Variants in NELL1 observed in about 807,000 individuals in gnomAD.
NELL1 encodes neural EGFL like 1.
NELL1 carries 76 observed loss-of-function variants against 107.4 expected under a neutral mutation model. The observed-to-expected ratio is 0.71, with a 90% CI of 0.59 to 0.86. The LOEUF is 0.86. Ranked by LOEUF, NELL1 falls within the 40% of genes least tolerant of loss-of-function variation. The probability of loss-of-function intolerance (pLI) is 0.00; values close to 1 mark genes in which losing one functional copy is unlikely to be tolerated. For synonymous variants in NELL1, 353 were observed against 341.2 expected, an observed-to-expected ratio of 1.03 and a Z score of -0.38; for missense variants, 1,024 against 1,005.5, an observed-to-expected ratio of 1.02 and a Z score of -0.25.
At chr11:21,237,508 G>A (rs527818041) in intron 14 of NELL1, among the ~76,000 whole-genome samples, 1 of 151,956 alleles carries the variant, frequency 6.6e-6, no homozygotes, top group Non-Finnish European at 1.5e-5. Context: ...TCTCTTGTTA[G>A]AATGCCCACG....
chr11:21,070,940 T>C (rs531926427), intron 12 of NELL1, among the ~76,000 whole-genome samples: 2 of 152,288 alleles, frequency 1.3e-5, no homozygotes, highest in East Asian at 1.9e-4. Flanking sequence ...CTACTTATCA[T>C]GCTTACTTAA....
intron 15 of NELL1, among the ~76,000 whole-genome samples, chr11:21,505,037 T>C (rs1050950212): frequency 3.9e-5 from 6 of 152,222 alleles, no homozygotes; most frequent in Middle Eastern, 3.2e-3. Context: ...GAAATATTTG[T>C]TTTAAATCAT....
At chr11:20,996,759 T>C (rs542297260) in intron 12 of NELL1, among the ~76,000 whole-genome samples, 1 of 152,128 alleles carries the variant, frequency 6.6e-6, no homozygotes, top group Admixed American at 6.5e-5. Flanking sequence ...GCAAATTGAG[T>C]AGCAAATTCT....
intron 15 of NELL1, among the ~76,000 whole-genome samples, chr11:21,388,510 T>A (rs1851796850): frequency 6.6e-6 from 1 of 151,828 alleles, no homozygotes; most frequent in Admixed American, 6.6e-5. Flanking sequence ...TCACAGACAC[T>A]TTCAAAGACA....
intron 15 of NELL1, among the ~76,000 whole-genome samples, chr11:21,429,483 G>A (rs1852914693): frequency 6.6e-6 from 1 of 152,180 alleles, no homozygotes. Context: ...CAGAAGCTAT[G>A]TTGGGCAAAG....
intron 15 of NELL1, among the ~76,000 whole-genome samples, chr11:21,472,137 T>C (rs4420262): frequency 0.89 from 135,184 of 152,016 alleles, 60,193 homozygotes; most frequent in East Asian, 0.97. Context: ...ACACAAGATT[T>C]GCTTTCTGTT....
intron 14 of NELL1, among the ~76,000 whole-genome samples, chr11:21,326,409 G>T (rs929271661): frequency 4.0e-5 from 6 of 151,254 alleles, no homozygotes; most frequent in African/African-American, 1.5e-4. Flanking sequence ...TATTTAAAAG[G>T]GTAAATTTTA....
intron 12 of NELL1, among the ~76,000 whole-genome samples, chr11:21,063,583 C>T (rs758835173): frequency 2.7e-4 from 41 of 152,214 alleles, no homozygotes; most frequent in Admixed American, 1.6e-3. Context: ...CAAAGACACA[C>T]TTATATTACT....
At chr11:20,758,720 T>G (rs531821699) in intron 2 of NELL1, among the ~76,000 whole-genome samples, 9 of 152,284 alleles carry the variant, frequency 5.9e-5, no homozygotes, top group Admixed American at 3.9e-4. Flanking sequence ...TCCTGTGCAT[T>G]GTAGATGTTT....
chr11:21,217,865 A>G (rs1430145693), intron 13 of NELL1, among the ~76,000 whole-genome samples: 1 of 152,194 alleles, frequency 6.6e-6, no homozygotes, highest in Non-Finnish European at 1.5e-5. Flanking sequence ...TAAGGACAGC[A>G]ATGTGTCAAT....
At chr11:21,404,919 A>G (rs576557787) in intron 15 of NELL1, among the ~76,000 whole-genome samples, 29 of 152,146 alleles carry the variant, frequency 1.9e-4, no homozygotes, top group African/African-American at 6.3e-4. Context: ...TCCCCTTACT[A>G]TTCACTTAGG....
chr11:21,298,038 A>G (rs547177532), intron 14 of NELL1, among the ~76,000 whole-genome samples: 28 of 152,004 alleles, frequency 1.8e-4, no homozygotes, highest in African/African-American at 5.8e-4. Flanking sequence ...GTACCCTATA[A>G]TTATTGTTGA....
At chr11:20,690,786 G>A (rs1565309032) in intron 2 of NELL1, among the ~76,000 whole-genome samples, 1 of 151,030 alleles carries the variant, frequency 6.6e-6, no homozygotes, top group Non-Finnish European at 1.5e-5. Flanking sequence ...GGTTCCATAT[G>A]AACTTTAAAG....
intron 2 of NELL1, among the ~76,000 whole-genome samples, chr11:20,758,310 G>A (rs147861222): frequency 8.5e-5 from 13 of 152,114 alleles, no homozygotes; most frequent in East Asian, 5.8e-4. Flanking sequence ...TCATGGTGTC[G>A]CCTGATTCAG....
intron 5 of NELL1, among the ~76,000 whole-genome samples, chr11:20,909,977 G>A (rs1001483320): frequency 2.6e-5 from 4 of 152,020 alleles, no homozygotes; most frequent in African/African-American, 9.7e-5. Context: ...AAAACTCAGG[G>A]GCTTATGTCA....
chr11:21,166,375 A>G (rs1360464757), intron 13 of NELL1, among the ~76,000 whole-genome samples: 1 of 151,944 alleles, frequency 6.6e-6, no homozygotes, highest in African/African-American at 2.4e-5. Flanking sequence ...TTACATTTAA[A>G]AATCACTTTT....
chr11:20,816,809 A>G (rs1318945188), intron 3 of NELL1, among the ~76,000 whole-genome samples: 1 of 151,794 alleles, frequency 6.6e-6, no homozygotes, highest in Non-Finnish European at 1.5e-5. Context: ...TTTGATGTAT[A>G]TTTTTTTCCA....
intron 12 of NELL1, among the ~76,000 whole-genome samples, chr11:20,961,967 T>G (rs1345906667): frequency 6.6e-6 from 1 of 152,116 alleles, no homozygotes; most frequent in South Asian, 2.1e-4. Flanking sequence ...AACCCTCTGT[T>G]TTTTTCATTT....
At chr11:21,401,424 A>G (rs1852095344) in intron 15 of NELL1, among the ~76,000 whole-genome samples, 1 of 151,886 alleles carries the variant, frequency 6.6e-6, no homozygotes, top group African/African-American at 2.4e-5. Context: ...CGCTTACTTG[A>G]CAAACTAAAG....
Sources: gnomAD v4.1 joint callset for allele counts (sites outside exome capture counted in the v4.1 genomes callset) on GRCh38, gnomAD v4.1.1 for gene constraint, MANE v1.5 for transcripts, NCBI Gene and HGNC (gene_info 2026-07-23, HGNC 2026-07-21) for gene names.